HTR1A: variants seen among roughly 807,000 people sequenced by gnomAD.
The protein encoded by HTR1A is 5-hydroxytryptamine receptor 1A, also known as 5-HT1a receptor.
In HTR1A, 17 loss-of-function variants were observed where a neutral mutation model predicts 24.6. The ratio of observed to expected loss-of-function variants is 0.69; its 90% CI spans 0.47 to 1.04. The LOEUF is 1.04. Ranked by LOEUF, HTR1A falls within the 50% of genes least tolerant of loss-of-function variation. HTR1A has a pLI of 0.00. For missense variants in HTR1A, 515 were observed against 565.1 expected, an observed-to-expected ratio of 0.91 and a Z score of 0.90; for synonymous variants, 262 against 244.6, an observed-to-expected ratio of 1.07 and a Z score of -0.67.
rs921845139 is a variant in HTR1A at position 63,960,334 on chromosome 5, G to A, written c.*117C>T. On this transcript the variant is annotated 3_prime_UTR_variant, in exon 1 of 1. Coordinates refer to ENST00000323865, the MANE Select transcript of HTR1A (RefSeq NM_000524.4). ...ACCAGGTCTGCAAGCCGTGAGCGGA[G>A]CAGAGAGAAAGAGGAGAAGTGGCGA... is the stretch of plus-strand genomic sequence containing the variant. The A allele has an allele frequency of 6.3e-6, 7 of 1,105,586 alleles. No homozygotes were observed. The African/African-American group carries it at 9.2e-5, about 15-fold the overall frequency. The allele number at this position is 1,105,586 out of a possible 1,614,324, so 68.5% of individuals were successfully genotyped here. A position where few individuals can be genotyped will look rare whatever the true frequency, so the allele number is the denominator to read the frequency against.
chr5:63,960,564 TGATTATGGCGCCCAACAGGGTGGG>T lies in HTR1A; in HGVS notation c.1132_1155del (p.Pro378_Ile385del), dbSNP rs1161837370. On this transcript the variant is annotated inframe_deletion, in exon 1 of 1. Coordinates refer to ENST00000323865, the MANE Select transcript of HTR1A (RefSeq NM_000524.4). ...AGAGAGTTGGAGTAGCCCAGCCAAT[TGATTATGGCGCCCAACAGGGTGGG>T]CATGTGGCAGCTGCTCTCGCAGAAG... 6.2e-7 allele frequency: 1 copy of T among 1,614,206 alleles called. No individual in the cohort carries two copies. Among genetic ancestry groups the T allele is most frequent in the East Asian group, 2.2e-5 (1 of 44,864 alleles).
chr5:63,960,817 G>A lies in HTR1A; in HGVS notation c.903C>T (p.Ser301=), dbSNP rs1372265935. 16 of 1,614,004 alleles carry A rather than the reference G, an allele frequency of 9.9e-6. No homozygotes were observed. The highest frequency in any genetic ancestry group is 6.7e-5 in the Admixed American group (4 of 60,012). The change falls in exon 1 of 1, where the codon TCC becomes TCT. Residue 301 remains serine, a synonymous_variant. Coordinates refer to ENST00000323865, the MANE Select transcript of HTR1A (RefSeq NM_000524.4). ...EVIEVHRVGN[S]KEHLPLPSEA... ...CGCTGGGCAGAGGCAAGTGCTCTTT[G>A]GAGTTGCCCACTCGGTGCACCTCGA...
In HTR1A at chr5:63,961,877, T is replaced by G. The variant is rs1299291584; in HGVS notation, c.-158A>C. The G allele has an allele frequency of 2.7e-6, 2 of 728,376 alleles. No homozygotes were observed. Among genetic ancestry groups the G allele is most frequent in the Non-Finnish European group, 4.7e-6 (2 of 423,150 alleles). The allele number at this position is 728,376 out of a possible 1,614,324, so 45.1% of individuals were successfully genotyped here. ...AAGTTCTTACTGCTTCGGCGAAGGG[T>G]ATCTCCGAGGAGCAGCTTTCAGGCG... is the stretch of plus-strand genomic sequence containing the variant. On this transcript the variant is annotated 5_prime_UTR_variant, in exon 1 of 1. Transcript: ENST00000323865.
rs183503710 is a variant in HTR1A, at chr5:63,958,409, A to G, written c.*2042T>C. The stretch of plus-strand genomic sequence containing the variant: ...AAAGGAAAGCTTTGTTCAGTCTGAC[A>G]AACAATAAAATGGCTTCAACTGACA... On this transcript the variant is annotated 3_prime_UTR_variant, in exon 1 of 1. Coordinates refer to ENST00000323865, the MANE Select transcript of HTR1A (RefSeq NM_000524.4). Among the ~76,000 whole-genome samples the G allele has an allele frequency of 6.6e-6, 1 of 152,222 alleles. No homozygotes were observed. Among genetic ancestry groups the G allele is most frequent in the South Asian group, 2.1e-4 (1 of 4,828 alleles).
chr5:63,961,040 C>A lies in HTR1A; in HGVS notation c.680G>T (p.Arg227Leu), dbSNP rs1427412024. Residue 227 changes from arginine to leucine, a missense_variant, in exon 1 of 1, where the codon CGC becomes CTC. Arg to Leu is a moderately radical substitution (Grantham distance 102). Transcript: ENST00000323865. ...RIFRAARFRI[R>L]KTVKKVEKTG... ...CTTCTCCACCTTTTTGACCGTCTTG[C>A]GGATGCGGAAGCGCGCAGCTCGGAA... 3.7e-6 allele frequency: 6 copies of A among 1,614,054 alleles called. No homozygotes were observed. Among genetic ancestry groups the A allele is most frequent in the Admixed American group, 1.7e-5 (1 of 60,010 alleles).
rs1431931003 is a variant in HTR1A, at chr5:63,960,254, CGCTGGGTCTCCTTTGCACAA to C, written c.*177_*196del. The C allele has an allele frequency of 3.1e-6, 2 of 652,500 alleles. No individual in the cohort carries two copies. The highest frequency in any genetic ancestry group is 2.7e-6 in the Non-Finnish European group (1 of 368,062). The allele number at this position is 652,500 out of a possible 1,614,324, so 40.4% of individuals were successfully genotyped here. ...ATTTCCTGGGCTCTCAACGCTCCTC[CGCTGGGTCTCCTTTGCACAA>C]AGGGCCCTGCCGTGGAGCAGGAAGT... is the stretch of plus-strand genomic sequence containing the variant. On this transcript the variant is annotated 3_prime_UTR_variant, in exon 1 of 1. Coordinates refer to ENST00000323865, the MANE Select transcript of HTR1A (RefSeq NM_000524.4).
chr5:63,960,903 C>T lies in HTR1A; in HGVS notation c.817G>A (p.Gly273Ser), dbSNP rs138074971. 13 of 1,613,878 alleles carry T rather than the reference C, an allele frequency of 8.1e-6. No individual in the cohort carries two copies. The African/African-American group carries it at 1.6e-4, about 20-fold the overall frequency. ...WRLGVESKAG[G>S]ALCANGAVRQ... ...ACCGCGCCATTGGCGCACAGAGCAC[C>T]CCCAGCCTTGCTCTCCACGCCCAGC... Residue 273 changes from glycine (G) to serine (S), a missense_variant, in exon 1 of 1, where the codon GGT becomes AGT. Coordinates refer to ENST00000323865, the MANE Select transcript of HTR1A (RefSeq NM_000524.4).
chr5:63,960,391 G>T lies in HTR1A; in HGVS notation c.*60C>A. 6.6e-7 allele frequency: 1 copy of T among 1,516,942 alleles called. No individual in the cohort carries two copies. Among genetic ancestry groups the T allele is most frequent in the Non-Finnish European group, 9.2e-7 (1 of 1,092,050 alleles). The allele number at this position is 1,516,942 out of a possible 1,614,324, so 94.0% of individuals were successfully genotyped here. ...TTAAGTGTTGATTCCCTAGGGTTGGGGGAAGCATAGTGAATGGGACGGATC... is the reference window on the plus strand; with the variant it reads ...TTAAGTGTTGATTCCCTAGGGTTGGTGGAAGCATAGTGAATGGGACGGATC... On this transcript the variant is annotated 3_prime_UTR_variant, in exon 1 of 1. Transcript: ENST00000323865.
rs1403048860 is a variant in HTR1A, at chr5:63,960,120, A to G, written c.*331T>C. 6.6e-6 allele frequency among the ~76,000 whole-genome samples: 1 copy of G among 152,186 alleles called. No individual in the cohort carries two copies. Among genetic ancestry groups the G allele is most frequent in the African/African-American group, 2.4e-5 (1 of 41,430 alleles). ...TTCTGCCTTGAACTAAGCATTAAACATCCACCGCAAAGATTTAGGAGATAG... is the reference window on the plus strand; with the variant it reads ...TTCTGCCTTGAACTAAGCATTAAACGTCCACCGCAAAGATTTAGGAGATAG... On this transcript the variant is annotated 3_prime_UTR_variant, in exon 1 of 1. Coordinates refer to ENST00000323865, the MANE Select transcript of HTR1A (RefSeq NM_000524.4).
rs1248845405 is a variant in HTR1A, at chr5:63,958,677, G to C, written c.*1774C>G. 6.6e-6 allele frequency among the ~76,000 whole-genome samples: 1 copy of C among 152,166 alleles called. No individual in the cohort carries two copies. Among genetic ancestry groups the C allele is most frequent in the East Asian group, 1.9e-4 (1 of 5,194 alleles). On this transcript the variant is annotated 3_prime_UTR_variant, in exon 1 of 1. Coordinates refer to ENST00000323865, the MANE Select transcript of HTR1A (RefSeq NM_000524.4). ...ACCTCTAGATCTCCATCATGTAGTT[G>C]GAAATTTACATCCAGAGTACCTAAA... is the stretch of plus-strand genomic sequence containing the variant.
rs908781932 is a variant in HTR1A, at chr5:63,959,704, A to G, written c.*747T>C. On this transcript the variant is annotated 3_prime_UTR_variant, in exon 1 of 1. Transcript: ENST00000323865. ...CCCACTGGCCCGGCCTTGTACTTAC[A>G]AGTCCACTCTAAAAGATACCTTCTA... 2.0e-5 allele frequency among the ~76,000 whole-genome samples: 3 copies of G among 152,346 alleles called. No individual in the cohort carries two copies. Among genetic ancestry groups the G allele is most frequent in the African/African-American group, 7.2e-5 (3 of 41,578 alleles).
Position 63,960,247 on chromosome 5 carries a change from G to A in HTR1A, c.*204C>T, listed in dbSNP as rs748106938. On this transcript the variant is annotated 3_prime_UTR_variant, in exon 1 of 1. Coordinates refer to ENST00000323865, the MANE Select transcript of HTR1A (RefSeq NM_000524.4). ...TCTCTGAATTTCCTGGGCTCTCAAC[G>A]CTCCTCCGCTGGGTCTCCTTTGCAC... 4.7e-6 allele frequency: 3 copies of A among 634,176 alleles called. No homozygotes were observed. Among genetic ancestry groups the A allele is most frequent in the East Asian group, 2.7e-5 (1 of 37,620 alleles). The allele number at this position is 634,176 out of a possible 1,614,324, so 39.3% of individuals were successfully genotyped here.
In HTR1A at chr5:63,960,412, G is replaced by A. The variant is rs535723928; in HGVS notation, c.*39C>T. ...TTGGGGGAAGCATAGTGAATGGGAC[G>A]GATCCTGTAGCCTCGACTGGCCGGC... is the stretch of plus-strand genomic sequence containing the variant. On this transcript the variant is annotated 3_prime_UTR_variant, in exon 1 of 1. Coordinates refer to ENST00000323865, the MANE Select transcript of HTR1A (RefSeq NM_000524.4). The A allele has an allele frequency of 1.4e-5, 23 of 1,597,816 alleles. 1 individual carries two copies. In the South Asian group the frequency reaches 2.4e-4, roughly 17 times the overall value.
chr5:63,960,698 C>G lies in HTR1A; in HGVS notation c.1022G>C (p.Arg341Thr). 1 of 1,614,248 alleles carries G rather than the reference C, an allele frequency of 6.2e-7. No homozygotes were observed. Residue 341 changes from arginine (R) to threonine (T), a missense_variant, in exon 1 of 1, where the codon AGG (arginine) becomes ACG (threonine). Transcript: ENST00000323865. ...AKRKMALARE[R>T]KTVKTLGIIM... ...GATGCCCAGCGTCTTCACTGTCTTC[C>G]TCTCTCGGGCCAGGGCCATCTTGCG... is the stretch of plus-strand genomic sequence containing the variant.
Position 63,959,422 on chromosome 5 carries a change from A to T in HTR1A, c.*1029T>A, listed in dbSNP as rs1330916142. On this transcript the variant is annotated 3_prime_UTR_variant, in exon 1 of 1. Transcript: ENST00000323865. ...TGTAAGTCAGCAGCCGGGAGCGCCT[A>T]GCGCGCTGCGAGAGCACAGATGGCT... Among the ~76,000 whole-genome samples, 2 of 152,242 alleles carry T rather than the reference A, an allele frequency of 1.3e-5. No individual in the cohort carries two copies. Among genetic ancestry groups the T allele is most frequent in the African/African-American group, 4.8e-5 (2 of 41,470 alleles).
Position 63,960,400 on chromosome 5 carries a change from A to G in HTR1A, c.*51T>C, listed in dbSNP as rs1469394975. The G allele has an allele frequency of 4.5e-6, 7 of 1,560,598 alleles. 1 individual carries two copies. In the Admixed American group the frequency reaches 1.0e-4, roughly 22 times the overall value. ...GATTCCCTAGGGTTGGGGGAAGCAT[A>G]GTGAATGGGACGGATCCTGTAGCCT... On this transcript the variant is annotated 3_prime_UTR_variant, in exon 1 of 1. Transcript: ENST00000323865.
At position 63,961,728 on chromosome 5, in the gene HTR1A, GC is replaced by G. The variant is rs894072543; in HGVS notation, c.-10del. 59 of 1,613,602 alleles carry G rather than the reference GC, an allele frequency of 3.7e-5. No homozygotes were observed. The highest frequency in any genetic ancestry group is 4.8e-5 in the Non-Finnish European group (57 of 1,180,002). ...GGGCTGAGCACATCCATGCCTGCGCGCCCGGCGCGGGAAGGGGGAGGGAAGA... is the reference window on the plus strand; with the variant it reads ...GGGCTGAGCACATCCATGCCTGCGCGCCGGCGCGGGAAGGGGGAGGGAAGA... On this transcript the variant is annotated 5_prime_UTR_variant, in exon 1 of 1. Coordinates refer to ENST00000323865, the MANE Select transcript of HTR1A (RefSeq NM_000524.4).
rs759076145 is a variant in HTR1A, at chr5:63,959,250, C to A, written c.*1201G>T. 4.6e-5 allele frequency among the ~76,000 whole-genome samples: 7 copies of A among 152,240 alleles called. No homozygotes were observed. The highest frequency in any genetic ancestry group is 1.0e-4 in the Non-Finnish European group (7 of 68,044). On this transcript the variant is annotated 3_prime_UTR_variant, in exon 1 of 1. Coordinates refer to ENST00000323865, the MANE Select transcript of HTR1A (RefSeq NM_000524.4). ...CCTGGGGAACCTTTCCTCTTTGCCG[C>A]CCCTGCGTGTCGCCCCTTTAAAGCC...
rs758093561 is a variant in HTR1A, at chr5:63,960,779, G to T, written c.941C>A (p.Thr314Asn). 1.2e-6 allele frequency: 2 copies of T among 1,614,104 alleles called. No individual in the cohort carries two copies. Among genetic ancestry groups the T allele is most frequent in the Admixed American group, 3.3e-5 (2 of 60,036 alleles). The change falls in exon 1 of 1, where the codon ACC becomes AAC. Residue 314 changes from threonine to asparagine, a missense_variant. Transcript: ENST00000323865. ...HLPLPSEAGP[T>N]PCAPASFERK... is the part of the protein sequence containing the mutation. ...CTCGAAAGAGGCGGGGGCACAAGGG[G>T]TAGGACCAGCCTCGCTGGGCAGAGG... is the stretch of plus-strand genomic sequence containing the variant.
Sources: allele counts gnomAD v4.1 joint callset (sites outside exome capture counted in the v4.1 genomes callset), GRCh38; gene constraint gnomAD v4.1.1; transcripts MANE v1.5; gene names NCBI Gene and HGNC (gene_info 2026-07-23, HGNC 2026-07-21).